The following UNC5C variants were observed in gnomAD, a reference collection of about 807,000 sequenced individuals.
UNC5C encodes unc-5 netrin receptor C, also known as netrin receptor UNC5C.
A neutral mutation model predicts 99.8 loss-of-function variants in UNC5C; 47 were observed. The ratio of observed to expected loss-of-function variants is 0.47; its 90% CI spans 0.37 to 0.60. The LOEUF (loss-of-function observed/expected upper bound fraction) is 0.60. Ranked by LOEUF, UNC5C falls within the 20% of genes least tolerant of loss-of-function variation. The probability of loss-of-function intolerance (pLI) is 0.00; values close to 1 mark genes in which losing one functional copy is unlikely to be tolerated. For missense variants in UNC5C, 1,062 were observed against 1,165.9 expected (o/e 0.91, Z 1.30); for synonymous variants, 487 against 452.2 (o/e 1.08, Z -0.98).
intron 1 of UNC5C, among the ~76,000 whole-genome samples, chr4:95,400,418 G>T (rs1383564086): frequency 7.6e-5 from 9 of 117,788 alleles, no homozygotes; most frequent in African/African-American, 3.5e-4. Flanking sequence ...TTTTGAGACG[G>T]AGTCTCGTTC....
chr4:95,182,065 C>T (rs1736633166), intron 14 of UNC5C, among the ~76,000 whole-genome samples: 1 of 152,112 alleles, frequency 6.6e-6, no homozygotes, highest in Non-Finnish European at 1.5e-5. Context: ...TCTTCTCTTC[C>T]CTTTGTTCCT....
At chr4:95,391,671 A>G (rs914091807) in intron 1 of UNC5C, among the ~76,000 whole-genome samples, 1 of 152,000 alleles carries the variant, frequency 6.6e-6, no homozygotes, top group African/African-American at 2.4e-5. Context: ...AGACAGTGTC[A>G]TAACTATTTT....
intron 3 of UNC5C, 126 bp from the exon 4 acceptor site, chr4:95,278,488 T>C: frequency 1.4e-6 from 1 of 708,484 alleles, no homozygotes; most frequent in Non-Finnish European, 2.3e-6. Flanking sequence ...TTTCTTTTTT[T>C]TTTTGAGACA....
intron 3 of UNC5C, among the ~76,000 whole-genome samples, chr4:95,288,069 T>TATTTA (rs928234901): frequency 1.3e-5 from 2 of 149,658 alleles, no homozygotes; most frequent in African/African-American, 4.9e-5. Context: ...ACAGATTATT[T>TATTTA]ATTTATTTAT....
At chr4:95,177,874 C>T (rs1579201509) in intron 14 of UNC5C, among the ~76,000 whole-genome samples, 1 of 146,766 alleles carries the variant, frequency 6.8e-6, no homozygotes. Context: ...GCTAATTTGC[C>T]TTTTTTTTTT....
chr4:95,546,068 T>C (rs1042381960), intron 1 of UNC5C, among the ~76,000 whole-genome samples: 6 of 152,252 alleles, frequency 3.9e-5, no homozygotes, highest in African/African-American at 1.4e-4. Flanking sequence ...TGAAGATATA[T>C]ATACATACTT....
intron 4 of UNC5C, among the ~76,000 whole-genome samples, chr4:95,255,282 C>T (rs1284513043): frequency 2.0e-5 from 3 of 152,062 alleles, no homozygotes; most frequent in Non-Finnish European, 4.4e-5. Flanking sequence ...GCCCGGCACC[C>T]CGCTCTGTGT....
At chr4:95,482,466 C>G (rs1301270041) in intron 1 of UNC5C, among the ~76,000 whole-genome samples, 1 of 149,120 alleles carries the variant, frequency 6.7e-6, no homozygotes, top group Non-Finnish European at 1.5e-5. Context: ...CCTCAGGGAT[C>G]TAGAACTAGA....
In UNC5C at chr4:95,301,875, C is replaced by G. The variant is rs148528737; in HGVS notation, c.347-126G>C. ...CATAGATCAACAACCCAGATATTGT[C>G]TCTCATCTCTTTTGACTTTCTTCTC... On this transcript the variant is annotated intron_variant, in intron 2 of 15. Transcript: ENST00000453304. 11 of 1,202,686 alleles carry G rather than the reference C, an allele frequency of 9.1e-6. No individual in the cohort carries two copies. The Admixed American group carries it at 3.0e-4, about 32-fold the overall frequency. 74.5% of individuals were successfully genotyped at this position (1,202,686 alleles called of 1,614,324 possible).
intron 7 of UNC5C, among the ~76,000 whole-genome samples, chr4:95,221,065 G>A (rs1738452158): frequency 6.6e-6 from 1 of 152,178 alleles, no homozygotes; most frequent in Non-Finnish European, 1.5e-5. Flanking sequence ...TCCTATAAAT[G>A]TTGCATGTTG....
intron 2 of UNC5C, among the ~76,000 whole-genome samples, chr4:95,314,745 A>C (rs1180277851): frequency 6.6e-6 from 1 of 152,198 alleles, no homozygotes. Context: ...ATCAGATGTC[A>C]CTTTTCTGTG....
Position 95,530,336 on chromosome 4 carries a change from G to C in UNC5C, c.124+18398C>G, listed in dbSNP as rs1179421355. ...ATATATGCTAAGCACATCTGGTAAT[G>C]AATGGGGTCATACAGATATATCATG... On this transcript the variant is annotated intron_variant, in intron 1 of 15. Transcript: ENST00000453304. Among the ~76,000 whole-genome samples, 3 of 152,182 alleles carry C rather than the reference G, an allele frequency of 2.0e-5. No individual in the cohort carries two copies. In the East Asian group the frequency reaches 5.8e-4, roughly 29 times the overall value.
At chr4:95,511,720 T>C (rs1722080832) in intron 1 of UNC5C, among the ~76,000 whole-genome samples, 1 of 152,126 alleles carries the variant, frequency 6.6e-6, no homozygotes, top group Non-Finnish European at 1.5e-5. Flanking sequence ...ATAAAGCTGA[T>C]CAACACTCCC....
intron 1 of UNC5C, among the ~76,000 whole-genome samples, chr4:95,491,735 G>A (rs1197834358): frequency 6.6e-6 from 1 of 151,474 alleles, no homozygotes; most frequent in East Asian, 1.9e-4. Flanking sequence ...AAAATATGTT[G>A]TGTTCCAAAT....
At chr4:95,194,427 G>A (rs964758939) in intron 12 of UNC5C, among the ~76,000 whole-genome samples, 9 of 152,144 alleles carry the variant, frequency 5.9e-5, no homozygotes, top group African/African-American at 1.9e-4. Context: ...AGTTCTGGAG[G>A]GTGGGAGTAA....
At chr4:95,225,355 C>T (rs1461365377) in intron 7 of UNC5C, among the ~76,000 whole-genome samples, 2 of 152,148 alleles carry the variant, frequency 1.3e-5, no homozygotes, top group African/African-American at 2.4e-5. Context: ...CTGCACCTGG[C>T]CTCCACAGTG....
Position 95,392,517 on chromosome 4 carries a change from T to C in UNC5C, c.125-56886A>G, listed in dbSNP as rs114304900. Among the ~76,000 whole-genome samples the C allele has an allele frequency of 5.9e-3, 902 of 151,886 alleles. 10 individuals are homozygous for C. The highest frequency in any genetic ancestry group is 0.02 in the African/African-American group (826 of 41,428). On this transcript the variant is annotated intron_variant, in intron 1 of 15. Coordinates refer to ENST00000453304, the MANE Select transcript of UNC5C (RefSeq NM_003728.4). ...ACAGGATCATAGCTCACTGCAGCCT[T>C]GAACTTCTGGACTCAAGCGAAACTC... is the stretch of plus-strand genomic sequence containing the variant.
chr4:95,182,362 T>G (rs1416133824), intron 14 of UNC5C, among the ~76,000 whole-genome samples: 5 of 152,122 alleles, frequency 3.3e-5, no homozygotes, highest in Non-Finnish European at 1.5e-5. Flanking sequence ...TAGAGAATGA[T>G]AGAGAGAAAG....
chr4:95,334,615 C>T (rs1024373734), intron 2 of UNC5C, among the ~76,000 whole-genome samples: 4 of 151,866 alleles, frequency 2.6e-5, no homozygotes, highest in African/African-American at 9.7e-5. Flanking sequence ...CCACAACTAC[C>T]CTAATTTATC....
Sources: allele counts gnomAD v4.1 joint callset (sites outside exome capture counted in the v4.1 genomes callset), GRCh38; gene constraint gnomAD v4.1.1; transcripts MANE v1.5; gene names NCBI Gene and HGNC (gene_info 2026-07-23, HGNC 2026-07-21).